The following DSC3 variants were observed in gnomAD, a reference collection of about 807,000 sequenced individuals.
DSC3 encodes the protein desmocollin-3.
A neutral mutation model predicts 89.5 loss-of-function variants in DSC3; 97 were observed. The observed-to-expected ratio is 1.08, with a 90% confidence interval of 0.92 to 1.28. The LOEUF is 1.28. DSC3 is among the 50% of genes most tolerant of loss of function. The pLI is 0.00. For synonymous variants in DSC3, 436 were observed against 384.1 expected (o/e 1.14, Z -1.58); for missense variants, 1,199 against 1,085.3 (o/e 1.10, Z -1.47).
In DSC3 at chr18:31,042,450, T is replaced by C. The variant is rs72922475; in HGVS notation, c.69+142A>G. The C allele has an allele frequency of 5.0e-3, 4,202 of 839,074 alleles. 22 individuals carry two copies. Among genetic ancestry groups the C allele is most frequent in the Middle Eastern group, 0.023 (101 of 4,468 alleles). The allele number at this position is 839,074 out of a possible 1,614,324, so 52.0% of individuals were successfully genotyped here. On this transcript the variant is annotated intron_variant, in intron 1 of 15. Transcript: ENST00000360428. ...TCTCCTCACTCCTGCAGGCCCGAACTTGGGGCTGCTACCAGACCCGCAGCA... is the reference window on the plus strand; with the variant it reads ...TCTCCTCACTCCTGCAGGCCCGAACCTGGGGCTGCTACCAGACCCGCAGCA...
At chr18:31,028,876 C>T (rs1985687110) in intron 4 of DSC3, among the ~76,000 whole-genome samples, 1 of 152,236 alleles carries the variant, frequency 6.6e-6, no homozygotes, top group Admixed American at 6.5e-5. Context: ...CCCTCTTCAG[C>T]CTCATCTCCC....
At chr18:31,019,120 G>A (rs900019855) in intron 7 of DSC3, among the ~76,000 whole-genome samples, 2 of 152,208 alleles carry the variant, frequency 1.3e-5, no homozygotes, top group South Asian at 2.1e-4. Context: ...GTCTTGAGAC[G>A]GAGTCTCATA....
intron 13 of DSC3, 61 bp from the exon 14 acceptor site, chr18:31,001,800 C>CA: frequency 7.6e-7 from 1 of 1,321,366 alleles, no homozygotes; most frequent in Non-Finnish European, 1.0e-6. Flanking sequence ...AAATAATCAT[C>CA]ATTTATTTCT....
intron 14 of DSC3, among the ~76,000 whole-genome samples, chr18:31,000,394 C>CCTGATGT (rs1984612606): frequency 6.6e-6 from 1 of 152,164 alleles, no homozygotes; most frequent in Non-Finnish European, 1.5e-5. Flanking sequence ...CTTCCCCAAC[C>CCTGATGT]CTGATGTCTT....
chr18:31,019,500 A>G (rs373281719), intron 7 of DSC3, among the ~76,000 whole-genome samples: 3 of 152,294 alleles, frequency 2.0e-5, no homozygotes, highest in East Asian at 3.9e-4. Context: ...ATCATCTAAA[A>G]CAGGTGGCTT....
At chr18:31,001,089 G>GTATATATATATA (rs67608580) in intron 14 of DSC3, among the ~76,000 whole-genome samples, 1 of 126,032 alleles carries the variant, frequency 7.9e-6, no homozygotes, top group African/African-American at 2.9e-5. Flanking sequence ...TTGTGTGTGT[G>GTATATATATATA]TATATATATA....
At chr18:30,996,672 A>C in intron 15 of DSC3, 119 bp downstream of exon 15, 3 of 1,152,394 alleles carry the variant, frequency 2.6e-6, no homozygotes, top group Non-Finnish European at 3.6e-6. Flanking sequence ...GGGAAAATGA[A>C]CAGAGCAAGC....
chr18:31,037,607 A>C (rs1986011593), intron 1 of DSC3, among the ~76,000 whole-genome samples: 1 of 152,160 alleles, frequency 6.6e-6, no homozygotes, highest in Non-Finnish European at 1.5e-5. Flanking sequence ...TTACATTAAG[A>C]AAGTTCATTC....
In DSC3 at chr18:31,024,458, T is replaced by G; in HGVS notation, c.666A>C (p.Ser222=). Residue 222 remains serine, a synonymous_variant, in exon 6 of 16, where the codon TCA becomes TCC. Transcript: ENST00000360428. The stretch of plus-strand genomic sequence containing the variant: ...TGGGTAGTGGGAGGGGCAGATCTGC[T>G]GAATATCCATCTGCAGTTGACGCAT... ...IAYASTADGY[S]ADLPLPLPIR... 6.2e-7 allele frequency: 1 copy of G among 1,612,830 alleles called. No homozygotes were observed. The highest frequency in any genetic ancestry group is 8.5e-7 in the Non-Finnish European group (1 of 1,179,356).
chr18:30,997,505 C>T (rs1055974047), intron 14 of DSC3, among the ~76,000 whole-genome samples: 1 of 152,174 alleles, frequency 6.6e-6, no homozygotes, highest in African/African-American at 2.4e-5. Context: ...GCAGAGCCCT[C>T]ATGACCTAAT....
chr18:31,029,050 T>C (rs1035927103), intron 4 of DSC3, among the ~76,000 whole-genome samples: 1 of 152,160 alleles, frequency 6.6e-6, no homozygotes, highest in African/African-American at 2.4e-5. Flanking sequence ...TTCTCTTGCT[T>C]TTTACCACCT....
intron 7 of DSC3, 48 bp downstream of exon 7, chr18:31,022,288 G>A (rs767711417): frequency 1.2e-6 from 2 of 1,608,400 alleles, no homozygotes; most frequent in South Asian, 2.2e-5. Flanking sequence ...ATGGGGGAGG[G>A]AAGCTTAATC....
At chr18:31,012,132 G>A (rs1985091602) in intron 9 of DSC3, among the ~76,000 whole-genome samples, 2 of 151,930 alleles carry the variant, frequency 1.3e-5, no homozygotes, top group African/African-American at 4.8e-5. Flanking sequence ...AATATGAAAA[G>A]GATAACACAA....
chr18:31,025,932 A>T lies in DSC3; in HGVS notation c.475-17T>A, dbSNP rs369551054. 1.3e-5 allele frequency: 21 copies of T among 1,607,406 alleles called. No individual in the cohort carries two copies. In the African/African-American group the frequency reaches 2.3e-4, roughly 17 times the overall value. ...AGATTCAACCTAAAAGTAGAAAAAAAATATGCAAAAAAATTAAAACTAAAT... is the reference window on the plus strand; with the variant it reads ...AGATTCAACCTAAAAGTAGAAAAAATATATGCAAAAAAATTAAAACTAAAT... On this transcript the variant is annotated splice_polypyrimidine_tract_variant and intron_variant, in intron 4 of 15. Coordinates refer to ENST00000360428, the MANE Select transcript of DSC3 (RefSeq NM_001941.5).
At chr18:31,023,128 A>G (rs1266713306) in intron 6 of DSC3, among the ~76,000 whole-genome samples, 4 of 152,114 alleles carry the variant, frequency 2.6e-5, no homozygotes, top group African/African-American at 9.7e-5. Flanking sequence ...TGTTACTGTA[A>G]AAGAGAACAG....
At chr18:31,002,425 G>A (rs1413943850) in intron 13 of DSC3, among the ~76,000 whole-genome samples, 2 of 152,152 alleles carry the variant, frequency 1.3e-5, no homozygotes, top group African/African-American at 4.8e-5. Flanking sequence ...TTACAGCCGG[G>A]TGCAGTGGCT....
intron 1 of DSC3, among the ~76,000 whole-genome samples, chr18:31,038,964 G>A (rs886809869): frequency 5.9e-5 from 9 of 151,958 alleles, no homozygotes; most frequent in Non-Finnish European, 1.2e-4. Context: ...TTGATATTAT[G>A]TTTTTGTGAG....
intron 9 of DSC3, among the ~76,000 whole-genome samples, chr18:31,014,921 T>C (rs923417979): frequency 6.6e-6 from 1 of 152,108 alleles, no homozygotes; most frequent in East Asian, 1.9e-4. Flanking sequence ...GTGGTTGTTG[T>C]GTTTTTGGGG....
intron 15 of DSC3, chr18:30,994,607 T>C (rs1984394356): frequency 6.4e-6 from 5 of 778,520 alleles, no homozygotes; most frequent in Admixed American, 2.3e-5. Context: ...ATACAAGTTT[T>C]ATATTTAAGT....
Sources: gnomAD v4.1 joint callset for allele counts (sites outside exome capture counted in the v4.1 genomes callset) on GRCh38, gnomAD v4.1.1 for gene constraint, MANE v1.5 for transcripts, NCBI Gene and HGNC (gene_info 2026-07-23, HGNC 2026-07-21) for gene names.